MARCHF10: variants seen among roughly 807,000 people sequenced by gnomAD.
MARCHF10 encodes probable E3 ubiquitin-protein ligase MARCHF10.
Under a neutral mutation model 76.2 loss-of-function variants are expected in MARCHF10, and 64 were observed. That is an observed-to-expected ratio of 0.84 (90% confidence interval 0.69 to 1.03). The LOEUF is 1.03. Ranked by LOEUF, MARCHF10 falls within the 50% of genes least tolerant of loss-of-function variation. MARCHF10 has a pLI of 0.00. For synonymous variants in MARCHF10, 340 were observed against 357.5 expected, an observed-to-expected ratio of 0.95 and a Z score of 0.55; for missense variants, 875 against 958.0, an observed-to-expected ratio of 0.91 and a Z score of 1.14.
At chr17:62,777,523 G>T (rs1489213380) in intron 3 of MARCHF10, among the ~76,000 whole-genome samples, 1 of 151,960 alleles carries the variant, frequency 6.6e-6, no homozygotes, top group African/African-American at 2.4e-5. Flanking sequence ...AGGAGTTTGA[G>T]ACCAGGCAAC....
intron 5 of MARCHF10, among the ~76,000 whole-genome samples, chr17:62,742,489 A>C (rs2091549774): frequency 6.6e-6 from 1 of 152,192 alleles, no homozygotes; most frequent in Admixed American, 6.5e-5. Flanking sequence ...AAAGAAGCTA[A>C]AGGGAGACTT....
chr17:62,801,182 G>A (rs2093065963), intron 2 of MARCHF10, among the ~76,000 whole-genome samples: 1 of 152,036 alleles, frequency 6.6e-6, no homozygotes, highest in South Asian at 2.1e-4. Context: ...TTGAGACGGA[G>A]GAGTCTCGCT....
intron 5 of MARCHF10, among the ~76,000 whole-genome samples, chr17:62,739,008 A>G (rs925902637): frequency 3.3e-5 from 5 of 152,196 alleles, no homozygotes; most frequent in African/African-American, 1.2e-4. Flanking sequence ...TTTTTAAAAT[A>G]GAAAAGGGGG....
chr17:62,795,100 T>C, intron 2 of MARCHF10: 1 of 979,528 alleles, frequency 1.0e-6, no homozygotes, highest in South Asian at 4.7e-5. Context: ...TCCAGCTCCC[T>C]GAGTGGACAA....
intron 3 of MARCHF10, among the ~76,000 whole-genome samples, chr17:62,779,036 G>A (rs888164356): frequency 6.6e-6 from 1 of 152,154 alleles, no homozygotes; most frequent in Non-Finnish European, 1.5e-5. Flanking sequence ...TTGTCAAACC[G>A]TGGGCTGCAC....
intron 9 of MARCHF10, among the ~76,000 whole-genome samples, chr17:62,710,888 T>C (rs577730447): frequency 6.6e-5 from 10 of 152,160 alleles, no homozygotes; most frequent in Non-Finnish European, 1.3e-4. Flanking sequence ...AGGTCCTCCA[T>C]GTTCGGGTGC....
At chr17:62,755,215 C>G (rs1445769414) in intron 4 of MARCHF10, among the ~76,000 whole-genome samples, 1 of 152,242 alleles carries the variant, frequency 6.6e-6, no homozygotes, top group Non-Finnish European at 1.5e-5. Context: ...CCATCCAGAT[C>G]TGTCTTCCTG....
At chr17:62,731,799 C>T (rs539529597) in intron 6 of MARCHF10, among the ~76,000 whole-genome samples, 10 of 151,996 alleles carry the variant, frequency 6.6e-5, no homozygotes, top group Non-Finnish European at 1.0e-4. Context: ...AAAAGGAGAC[C>T]GATCAAATCA....
rs193249045 is a variant in MARCHF10 at position 62,800,901 on chromosome 17, A to G, written c.90+745T>C. Reference sequence around the variant, plus strand: ...GGGGGACCAGCAGTTAGCTCATTGTAAAATGTGCAAACCACCTTTCTTCTG... The same window carrying G: ...GGGGGACCAGCAGTTAGCTCATTGTGAAATGTGCAAACCACCTTTCTTCTG... On this transcript the variant is annotated intron_variant, in intron 2 of 10. Transcript: ENST00000311269. Among the ~76,000 whole-genome samples the G allele has an allele frequency of 1.3e-3, 205 of 152,300 alleles. 1 individual carries two copies. Among genetic ancestry groups the G allele is most frequent in the Non-Finnish European group, 1.6e-3 (107 of 68,018 alleles).
At chr17:62,805,922 A>T (rs1467930953) in intron 1 of MARCHF10, among the ~76,000 whole-genome samples, 1 of 150,716 alleles carries the variant, frequency 6.6e-6, no homozygotes, top group Non-Finnish European at 1.5e-5. Flanking sequence ...AAAAAATAAT[A>T]ATAATAATAA....
At position 62,736,071 on chromosome 17, in the gene MARCHF10, TG is replaced by T; in HGVS notation, c.1796del (p.Thr599AsnfsTer35). ...LHVSGSLQEN[T>X]PFTFFAVSHF... ...GAGACACTGCAAAGAAAGTAAATGG[TG>T]TATTTTCTTGCAGAGACCCAGACAC... On this transcript the variant is annotated frameshift_variant, in exon 6 of 11. Transcript: ENST00000311269. LOFTEE classifies it high-confidence loss of function. 1 of 1,614,198 alleles carries T rather than the reference TG, an allele frequency of 6.2e-7. No homozygotes were observed.
intron 10 of MARCHF10, 145 bp from the exon 11 acceptor site, chr17:62,701,903 G>A (rs1378334155): frequency 2.0e-5 from 21 of 1,064,792 alleles, no homozygotes; most frequent in East Asian, 5.0e-5. Context: ...GGAACCGTGT[G>A]GGGAACAGAG....
chr17:62,722,790 CATCT>C (rs2090554873), intron 7 of MARCHF10, among the ~76,000 whole-genome samples, 193 bp from the exon 8 acceptor site: 2 of 152,184 alleles, frequency 1.3e-5, no homozygotes, highest in East Asian at 1.9e-4. Context: ...CCTTTGTAGT[CATCT>C]ATTATGCAAG....
At chr17:62,729,113 AT>A (rs919071545) in intron 6 of MARCHF10, among the ~76,000 whole-genome samples, 12 of 148,198 alleles carry the variant, frequency 8.1e-5, no homozygotes, top group African/African-American at 1.2e-4. Flanking sequence ...TTATTTATTT[AT>A]TTTTTTTTTG....
In MARCHF10 at chr17:62,722,663, A is replaced by C. The variant is rs554583267; in HGVS notation, c.2105-66T>G. On this transcript the variant is annotated intron_variant, in intron 7 of 10. Coordinates refer to ENST00000311269, the MANE Select transcript of MARCHF10 (RefSeq NM_152598.4). Reference sequence around the variant, plus strand: ...GTCTGTTTGTGTTAGCACTTTGGACAGGTGATATTTGGGGAGTGAACTTGT... The same window carrying C: ...GTCTGTTTGTGTTAGCACTTTGGACCGGTGATATTTGGGGAGTGAACTTGT... 204 of 1,368,296 alleles carry C rather than the reference A, an allele frequency of 1.5e-4. 1 individual carries two copies. In the South Asian group the frequency reaches 1.8e-3, roughly 12 times the overall value. 84.8% of individuals were successfully genotyped at this position (1,368,296 alleles called of 1,614,324 possible).
At position 62,736,080 on chromosome 17, in the gene MARCHF10, T is replaced by C; in HGVS notation, c.1788A>G (p.Gln596=). 1 of 1,614,214 alleles carries C rather than the reference T, an allele frequency of 6.2e-7. No homozygotes were observed. Among genetic ancestry groups the C allele is most frequent in the Non-Finnish European group, 8.5e-7 (1 of 1,180,038 alleles). The stretch of plus-strand genomic sequence containing the variant: ...CAAAGAAAGTAAATGGTGTATTTTC[T>C]TGCAGAGACCCAGACACATGCAAAT... ...EGHLHVSGSL[Q]ENTPFTFFAV... The change falls in exon 6 of 11, where the codon CAA becomes CAG. Residue 596 remains glutamine (Q), a synonymous_variant. Coordinates refer to ENST00000311269, the MANE Select transcript of MARCHF10 (RefSeq NM_152598.4).
chr17:62,776,962 G>A (rs746415404), intron 3 of MARCHF10, among the ~76,000 whole-genome samples: 4 of 152,136 alleles, frequency 2.6e-5, no homozygotes, highest in Non-Finnish European at 4.4e-5. Context: ...CACTTGTTCC[G>A]GGGTTTCAAG....
intron 4 of MARCHF10, among the ~76,000 whole-genome samples, chr17:62,757,470 T>C (rs1226933382): frequency 6.6e-6 from 1 of 152,242 alleles, no homozygotes; most frequent in African/African-American, 2.4e-5. Flanking sequence ...CAACTTTTCC[T>C]GAACAGACTC....
At chr17:62,704,961 T>TTA (rs577248396) in intron 10 of MARCHF10, 19,911 of 918,094 alleles carry the variant, frequency 0.022, 296 homozygotes, top group Non-Finnish European at 0.024. Flanking sequence ...TTTTTTTTTT[T>TTA]AATGGAAAAA....
Sources: allele counts gnomAD v4.1 joint callset (sites outside exome capture counted in the v4.1 genomes callset), GRCh38; gene constraint gnomAD v4.1.1; transcripts MANE v1.5; gene names NCBI Gene and HGNC (gene_info 2026-07-23, HGNC 2026-07-21).